SLC4A3: variants seen among roughly 807,000 people sequenced by gnomAD.
SLC4A3 encodes anion exchange protein 3.
SLC4A3 carries 47 observed loss-of-function variants against 114.2 expected under a neutral mutation model. That is an observed-to-expected ratio of 0.41 (90% CI 0.33 to 0.52). The LOEUF (loss-of-function observed/expected upper bound fraction) is 0.52, where lower values mean the gene tolerates loss of function less well. SLC4A3 is among the 20% of genes least tolerant of loss of function. The probability of loss-of-function intolerance (pLI) is 0.21; values close to 1 mark genes in which losing one functional copy is unlikely to be tolerated. For missense variants in SLC4A3, 1,312 were observed against 1,668.3 expected, an observed-to-expected ratio of 0.79 and a Z score of 3.72; for synonymous variants, 693 against 710.3, an observed-to-expected ratio of 0.98 and a Z score of 0.39.
Position 219,628,033 on chromosome 2 carries a change from C to G in SLC4A3, c.41C>G (p.Pro14Arg), listed in dbSNP as rs1221155026. The change falls in exon 2 of 23, where the codon CCC (proline) becomes CGC (arginine). Residue 14 changes from proline (P) to arginine (R), a missense_variant. Physicochemically the swap from Pro to Arg is moderately radical, Grantham distance 103. Coordinates refer to ENST00000358055, the MANE Select transcript of SLC4A3 (RefSeq NM_005070.4). The surrounding 1 kb of genome is among the most constrained non-coding windows in gnomAD (Gnocchi z 4.8). ...GVIPPPGGAS[P>R]LPQVRVPLEE... ...ATCCCGCCGCCCGGGGGCGCCTCCC[C>G]CCTACCCCAGGTGATCGGCGCGCGC... 1.3e-6 allele frequency: 2 copies of G among 1,579,682 alleles called. No individual in the cohort carries two copies. The highest frequency in any genetic ancestry group is 1.8e-5 in the Admixed American group (1 of 54,656).
chr2:219,631,076 G>A lies in SLC4A3; in HGVS notation c.811+724G>A. 3 of 1,089,676 alleles carry A rather than the reference G, an allele frequency of 2.8e-6. No individual in the cohort carries two copies. The highest frequency in any genetic ancestry group is 3.4e-6 in the Non-Finnish European group (3 of 884,636). The allele number at this position is 1,089,676 out of a possible 1,614,324, so 67.5% of individuals were successfully genotyped here. A position where few individuals can be genotyped will look rare whatever the true frequency, so the allele number is the denominator to read the frequency against. Reference sequence around the variant, plus strand: ...GTTTACAGACCCAGGGTGGGGGCTGGATGCCGCAGGGAGCAGGCTTGTGGA... The same window carrying A: ...GTTTACAGACCCAGGGTGGGGGCTGAATGCCGCAGGGAGCAGGCTTGTGGA... On this transcript the variant is annotated intron_variant, in intron 6 of 22. Coordinates refer to ENST00000358055, the MANE Select transcript of SLC4A3 (RefSeq NM_005070.4). The surrounding 1 kb of genome is among the most constrained non-coding windows in gnomAD (Gnocchi z 6.3).
chr2:219,631,288 C>T lies in SLC4A3; in HGVS notation c.812-680C>T. 7.7e-7 allele frequency: 1 copy of T among 1,301,834 alleles called. No homozygotes were observed. The highest frequency in any genetic ancestry group is 2.1e-4 in the Middle Eastern group (1 of 4,680). The allele number at this position is 1,301,834 out of a possible 1,614,324, so 80.6% of individuals were successfully genotyped here. A position where few individuals can be genotyped will look rare whatever the true frequency, so the allele number is the denominator to read the frequency against. The stretch of plus-strand genomic sequence containing the variant: ...CCTGAGCCCAATGGGGCACTGAGCC[C>T]TGGGCCTGGGGATACCAATAGCTGG... On this transcript the variant is annotated intron_variant, in intron 6 of 22. Transcript: ENST00000358055. This position sits in a 1 kb window ranked among gnomAD's most constrained non-coding sequence, Gnocchi z 6.3.
Position 219,628,448 on chromosome 2 carries a change from A to G in SLC4A3, c.95A>G (p.Glu32Gly). The change falls in exon 3 of 23, where the codon GAG becomes GGG. Residue 32 changes from glutamate to glycine, a missense_variant. Around this residue, in one of 4 missense-constraint regions of SLC4A3, gnomAD observed 236 missense variants for 212.1 expected, o/e 1.11. Coordinates refer to ENST00000358055, the MANE Select transcript of SLC4A3 (RefSeq NM_005070.4). The surrounding 1 kb of genome is among the most constrained non-coding windows in gnomAD (Gnocchi z 4.8). ...LEEPPLSPDVEEEDDDLGKTL... is the reference protein window; with the variant it reads ...LEEPPLSPDVGEEDDDLGKTL... The stretch of plus-strand genomic sequence containing the variant: ...GAGCCCCCTCTAAGTCCAGACGTGG[A>G]GGAGGAGGACGATGACTTGGGCAAG... The G allele has an allele frequency of 6.2e-7, 1 of 1,613,362 alleles. No individual in the cohort carries two copies. Among genetic ancestry groups the G allele is most frequent in the Non-Finnish European group, 8.5e-7 (1 of 1,179,768 alleles).
chr2:219,637,493 C>T lies in SLC4A3; in HGVS notation c.2536-88C>T, dbSNP rs1199022347. The T allele has an allele frequency of 4.6e-5, 33 of 721,752 alleles. No homozygotes were observed. The highest frequency in any genetic ancestry group is 7.4e-5 in the Non-Finnish European group (31 of 417,356). The allele number at this position is 721,752 out of a possible 1,614,324, so 44.7% of individuals were successfully genotyped here. A position where few individuals can be genotyped will look rare whatever the true frequency, so the allele number is the denominator to read the frequency against. ...GTTGTCTGACCAGGTATTGAGGGGC[C>T]ACCCTCTCTCTCACAGGTGTACTGA... is the stretch of plus-strand genomic sequence containing the variant. On this transcript the variant is annotated intron_variant, in intron 16 of 22. Coordinates refer to ENST00000358055, the MANE Select transcript of SLC4A3 (RefSeq NM_005070.4). This position sits in a 1 kb window ranked among gnomAD's most constrained non-coding sequence, Gnocchi z 4.6.
Position 219,637,686 on chromosome 2 carries a change from G to A in SLC4A3, c.2641G>A (p.Glu881Lys), listed in dbSNP as rs140581019. ...AAATGGCAGTGCCCTGCCCCCCACCGAGGGCCCCCCCAGCCCGAGGAACCA... is the reference window on the plus strand; with the variant it reads ...AAATGGCAGTGCCCTGCCCCCCACCAAGGGCCCCCCCAGCCCGAGGAACCA... ...EPNGSALPPT[E>K]GPPSPRNQPN... Residue 881 changes from glutamate to lysine, a missense_variant, in exon 17 of 23, where the codon GAG becomes AAG. Physicochemically the swap from Glu to Lys is moderately conservative, Grantham distance 56. This residue lies in a region of SLC4A3 where 771 missense variants were observed against 977.7 expected (regional missense o/e 0.79). Transcript: ENST00000358055. This position sits in a 1 kb window ranked among gnomAD's most constrained non-coding sequence, Gnocchi z 4.6. The A allele has an allele frequency of 6.5e-5, 105 of 1,612,536 alleles. No individual in the cohort carries two copies. The African/African-American group carries it at 1.0e-3, about 16-fold the overall frequency.
At position 219,640,771 on chromosome 2, in the gene SLC4A3, C is replaced by T; in HGVS notation, c.3448-18C>T. On this transcript the variant is annotated intron_variant, in intron 21 of 22. Transcript: ENST00000358055. ...GGCCGGGACGCTGTGCACTGGGGCC[C>T]ACTGGCTGCTCCCCTAGGTGAAGAC... is the stretch of plus-strand genomic sequence containing the variant. 9 of 1,607,182 alleles carry T rather than the reference C, an allele frequency of 5.6e-6. No individual in the cohort carries two copies. The highest frequency in any genetic ancestry group is 7.6e-6 in the Non-Finnish European group (9 of 1,176,708).
At position 219,637,307 on chromosome 2, in the gene SLC4A3, G is replaced by A. The variant is rs1469506498; in HGVS notation, c.2536-274G>A. On this transcript the variant is annotated intron_variant, in intron 16 of 22. Transcript: ENST00000358055. This position sits in a 1 kb window ranked among gnomAD's most constrained non-coding sequence, Gnocchi z 4.6. The stretch of plus-strand genomic sequence containing the variant: ...TGTGTGTGCATGTTGTGTGTGTTGT[G>A]TGTATGTATGTTGTGTGTGTGGTGT... Among the ~76,000 whole-genome samples, 1 of 151,350 alleles carries A rather than the reference G, an allele frequency of 6.6e-6. No individual in the cohort carries two copies. The highest frequency in any genetic ancestry group is 1.5e-5 in the Non-Finnish European group (1 of 67,812).
In SLC4A3 at chr2:219,638,228, A is replaced by G. The variant is rs1457118082; in HGVS notation, c.2831A>G (p.Tyr944Cys). Residue 944 changes from tyrosine to cysteine, a missense_variant, in exon 18 of 23, where the codon TAC becomes TGC. By Grantham distance (194) the Tyr-to-Cys change is radical. Transcript: ENST00000358055. The surrounding 1 kb of genome is among the most constrained non-coding windows in gnomAD (Gnocchi z 7.5). ...ATCCTGGTGATGGTCCTGGTGGATT[A>G]CTCCATCACAGACACCTACACGCAG... Reference protein sequence around the residue: ...ISILVMVLVDYSITDTYTQKL... With the variant: ...ISILVMVLVDCSITDTYTQKL... 1 of 1,611,902 alleles carries G rather than the reference A, an allele frequency of 6.2e-7. No individual in the cohort carries two copies. Among genetic ancestry groups the G allele is most frequent in the South Asian group, 1.1e-5 (1 of 90,610 alleles).
Position 219,628,612 on chromosome 2 carries a change from C to A in SLC4A3, c.217+42C>A, listed in dbSNP as rs751139908. ...CCCCTAGTGCGGCCGCCCTCGCCAC[C>A]ATCACCTTCATCGCCACCATCACCG... On this transcript the variant is annotated intron_variant, in intron 3 of 22. Transcript: ENST00000358055. The surrounding 1 kb of genome is among the most constrained non-coding windows in gnomAD (Gnocchi z 4.8). 5 of 1,591,912 alleles carry A rather than the reference C, an allele frequency of 3.1e-6. No individual in the cohort carries two copies. The African/African-American group carries it at 6.8e-5, about 22-fold the overall frequency.
In SLC4A3 at chr2:219,629,812, A is replaced by G. The variant is rs1434061149; in HGVS notation, c.611+117A>G. On this transcript the variant is annotated intron_variant, in intron 5 of 22. Transcript: ENST00000358055. ...TGTCCCCAGCTCTGACCCTGAGAAA[A>G]GAGGAGCAGGGTGTGGGAGGGGGGT... 6.5e-5 allele frequency: 18 copies of G among 277,104 alleles called. No individual in the cohort carries two copies. In the Admixed American group the frequency reaches 9.5e-4, roughly 15 times the overall value. 17.2% of individuals were successfully genotyped at this position (277,104 alleles called of 1,614,324 possible).
intron 11 of SLC4A3, among the ~76,000 whole-genome samples, 153 bp downstream of exon 11, chr2:219,634,132 C>T (rs781198600): frequency 3.9e-5 from 6 of 152,210 alleles, no homozygotes; most frequent in Admixed American, 6.5e-5. Flanking sequence ...CTGTCTTAGC[C>T]CAGCCCTTTC....
chr2:219,633,924 C>G lies in SLC4A3; in HGVS notation c.1506C>G (p.Ser502Arg). 8 of 1,562,076 alleles carry G rather than the reference C, an allele frequency of 5.1e-6. No homozygotes were observed. The highest frequency in any genetic ancestry group is 4.7e-5 in the East Asian group (2 of 42,366). ...GGGGAGATGGTCACCGGGGGAAAAG[C>G]CTGAAGCTGCTGGAGAAGATCCCTG... is the stretch of plus-strand genomic sequence containing the variant. Reference protein sequence around the residue: ...MPGGDGHRGKSLKLLEKIPED... With the variant: ...MPGGDGHRGKRLKLLEKIPED... Residue 502 changes from serine (S) to arginine (R), a missense_variant, in exon 11 of 23, where the codon AGC becomes AGG. This residue lies in a region of SLC4A3 where 771 missense variants were observed against 977.7 expected (regional missense o/e 0.79). Transcript: ENST00000358055.
chr2:219,629,888 G>GA (rs1343022828), intron 5 of SLC4A3, among the ~76,000 whole-genome samples, 193 bp downstream of exon 5: 38 of 145,614 alleles, frequency 2.6e-4, no homozygotes, highest in African/African-American at 9.5e-4. Flanking sequence ...AACAAGGGGG[G>GA]GGGGAGAAAA....
chr2:219,639,204 C>T lies in SLC4A3; in HGVS notation c.3024-278C>T, dbSNP rs1313264431. Among the ~76,000 whole-genome samples, 1 of 152,174 alleles carries T rather than the reference C, an allele frequency of 6.6e-6. No homozygotes were observed. Among genetic ancestry groups the T allele is most frequent in the Non-Finnish European group, 1.5e-5 (1 of 68,024 alleles). On this transcript the variant is annotated intron_variant, in intron 19 of 22. Coordinates refer to ENST00000358055, the MANE Select transcript of SLC4A3 (RefSeq NM_005070.4). The surrounding 1 kb of genome is among the most constrained non-coding windows in gnomAD (Gnocchi z 5.9). ...CAGTCTAAGCTTGCACCCAGGGATG[C>T]TCACATGTATCTAATTTTGGTTAAA...
rs909026411 is a variant in SLC4A3 at position 219,638,030 on chromosome 2, T to C, written c.2767-134T>C. ...GCCTCCCAGGCTGCGCTGGCACCTG[T>C]GGGGTTGAGAGGCACGTGGGGGGCC... is the stretch of plus-strand genomic sequence containing the variant. On this transcript the variant is annotated intron_variant, in intron 17 of 22. Coordinates refer to ENST00000358055, the MANE Select transcript of SLC4A3 (RefSeq NM_005070.4). This position sits in a 1 kb window ranked among gnomAD's most constrained non-coding sequence, Gnocchi z 7.5. 9.1e-6 allele frequency: 7 copies of C among 767,544 alleles called. No homozygotes were observed. The African/African-American group carries it at 1.2e-4, about 13-fold the overall frequency. The allele number at this position is 767,544 out of a possible 1,614,324, so 47.5% of individuals were successfully genotyped here.
Position 219,641,585 on chromosome 2 carries a change from G to A in SLC4A3, c.3622-66G>A. The A allele has an allele frequency of 7.8e-7, 1 of 1,283,406 alleles. No individual in the cohort carries two copies. The highest frequency in any genetic ancestry group is 2.3e-5 in the East Asian group (1 of 43,316). The allele number at this position is 1,283,406 out of a possible 1,614,324, so 79.5% of individuals were successfully genotyped here. On this transcript the variant is annotated intron_variant, in intron 22 of 22. Transcript: ENST00000358055. The surrounding 1 kb of genome is among the most constrained non-coding windows in gnomAD (Gnocchi z 4.0). ...CAGGGAGGGCTGCAGGTTGGAGGAG[G>A]AGCTGGAGAATGGGAGGGGACGAGC...
chr2:219,639,752 A>G lies in SLC4A3; in HGVS notation c.3277+17A>G, dbSNP rs1699253920. The G allele has an allele frequency of 3.8e-6, 6 of 1,597,870 alleles. No homozygotes were observed. The South Asian group carries it at 6.6e-5, about 18-fold the overall frequency. On this transcript the variant is annotated intron_variant, in intron 20 of 22. Transcript: ENST00000358055. This position sits in a 1 kb window ranked among gnomAD's most constrained non-coding sequence, Gnocchi z 5.9. ...GCCTCGTGGGTGAGAGCCCGCCTCC[A>G]CCCTGCACACCCCCTTCCTTGGGCC...
In SLC4A3 at chr2:219,627,951, G is replaced by A. The variant is rs1279709021; in HGVS notation, c.-42G>A. ...CCCCTCCTTCTCACCTGGGTCTCGGGTCCCCTAGTGAGCGAGAGCGTCCCC... is the reference window on the plus strand; with the variant it reads ...CCCCTCCTTCTCACCTGGGTCTCGGATCCCCTAGTGAGCGAGAGCGTCCCC... On this transcript the variant is annotated 5_prime_UTR_variant, in exon 2 of 23. Transcript: ENST00000358055. 5 of 1,583,022 alleles carry A rather than the reference G, an allele frequency of 3.2e-6. No individual in the cohort carries two copies. The East Asian group carries it at 9.3e-5, about 30-fold the overall frequency.
chr2:219,627,887 C>T lies in SLC4A3; in HGVS notation c.-93-13C>T, dbSNP rs1698771008. The stretch of plus-strand genomic sequence containing the variant: ...GCCAGCGCAAGGAACCTGACCCCGC[C>T]CTCCTCCCCCAGGGCTCCCCGCTAG... On this transcript the variant is annotated splice_polypyrimidine_tract_variant and intron_variant, in intron 1 of 22. Coordinates refer to ENST00000358055, the MANE Select transcript of SLC4A3 (RefSeq NM_005070.4). 2 of 883,670 alleles carry T rather than the reference C, an allele frequency of 2.3e-6. No homozygotes were observed. Among genetic ancestry groups the T allele is most frequent in the East Asian group, 3.0e-5 (1 of 32,960 alleles). The allele number at this position is 883,670 out of a possible 1,614,324, so 54.7% of individuals were successfully genotyped here.
Sources: allele counts gnomAD v4.1 joint callset (sites outside exome capture counted in the v4.1 genomes callset), GRCh38; gene constraint gnomAD v4.1.1; regional missense constraint gnomAD v4.1.1; non-coding constraint Gnocchi (gnomAD v3.1); transcripts MANE v1.5; gene names NCBI Gene and HGNC (gene_info 2026-07-23, HGNC 2026-07-21).